SPATA20: variants seen among roughly 807,000 people sequenced by gnomAD.
SPATA20 encodes the protein spermatogenesis-associated protein 20.
A neutral mutation model predicts 98.9 loss-of-function variants in SPATA20; 74 were observed. The observed-to-expected ratio is 0.75, with a 90% confidence interval of 0.62 to 0.91. The LOEUF (loss-of-function observed/expected upper bound fraction) is 0.91, where lower values mean the gene tolerates loss of function less well. SPATA20 is among the 40% of genes least tolerant of loss of function. The pLI, the probability that SPATA20 is intolerant of heterozygous loss-of-function variation, is 0.00. For synonymous variants in SPATA20, 430 were observed against 440.5 expected (o/e 0.98, Z 0.30); for missense variants, 1,016 against 1,069.8 (o/e 0.95, Z 0.70).
At chr17:50,552,807 G>A (rs1204974956) in intron 14 of SPATA20, among the ~76,000 whole-genome samples, 2 of 152,076 alleles carry the variant, frequency 1.3e-5, no homozygotes, top group Non-Finnish European at 2.9e-5. Context: ...GCCCACCTCG[G>A]CCTCCCAAAG....
intron 12 of SPATA20, 100 bp downstream of exon 12, chr17:50,551,290 G>A (rs1567910600): frequency 7.9e-7 from 1 of 1,259,472 alleles, no homozygotes; most frequent in Non-Finnish European, 1.1e-6. Context: ...CCCTTGATTA[G>A]CGTTATTATT....
In SPATA20 at chr17:50,554,593, A is replaced by G. The variant is rs1205390218; in HGVS notation, c.2157+143A>G. The stretch of plus-strand genomic sequence containing the variant: ...TGTGCAGGCACGTGGCCTGTCAGAC[A>G]GGGAGGCAGAAGTTAATATGAGTCC... On this transcript the variant is annotated intron_variant, in intron 15 of 16. Transcript: ENST00000006658. 9 of 787,186 alleles carry G rather than the reference A, an allele frequency of 1.1e-5. No homozygotes were observed. The East Asian group carries it at 2.1e-4, about 18-fold the overall frequency. The allele number at this position is 787,186 out of a possible 1,614,324, so 48.8% of individuals were successfully genotyped here.
At position 50,549,350 on chromosome 17, in the gene SPATA20, G is replaced by T. The variant is rs780703307; in HGVS notation, c.725G>T (p.Arg242Leu). The change falls in exon 7 of 17, where the codon CGA becomes CTA. Residue 242 changes from arginine to leucine, a missense_variant. Physicochemically the swap from Arg to Leu is moderately radical, Grantham distance 102 (BLOSUM62 -2). Transcript: ENST00000006658. The part of the protein sequence containing the change: ...SQRVTTALLA[R>L]SEISVGDRQL... ...CGTGTCACCACTGCCCTGCTGGCCC[G>T]ATCAGAGATCAGCGTGGGTGACCGC... 2 of 1,612,490 alleles carry T rather than the reference G, an allele frequency of 1.2e-6. No homozygotes were observed. The highest frequency in any genetic ancestry group is 1.7e-6 in the Non-Finnish European group (2 of 1,179,978).
chr17:50,550,694 T>A lies in SPATA20; in HGVS notation c.1174-14T>A. 6.2e-7 allele frequency: 1 copy of A among 1,613,006 alleles called. No homozygotes were observed. Among genetic ancestry groups the A allele is most frequent in the Non-Finnish European group, 8.5e-7 (1 of 1,179,584 alleles). On this transcript the variant is annotated splice_polypyrimidine_tract_variant and intron_variant, in intron 10 of 16. Coordinates refer to ENST00000006658, the MANE Select transcript of SPATA20 (RefSeq NM_022827.4). ...CCTGTGGGCCGGGGCCAGCCAACTC[T>A]CCCCTCCCCACAGTCCGGAGGCTTC...
Position 50,548,371 on chromosome 17 carries a change from T to A in SPATA20, c.214T>A (p.Ser72Thr). 1 of 1,613,994 alleles carries A rather than the reference T, an allele frequency of 6.2e-7. No individual in the cohort carries two copies. The highest frequency in any genetic ancestry group is 8.5e-7 in the Non-Finnish European group (1 of 1,179,970). ...TGGAGGGAAAGGAAGCCATCCTTCA[T>A]CTACACCCCAGAGGGTCCCCAACCG... ...PAGGKGSHPS[S>T]TPQRVPNRLI... is the part of the protein sequence containing the mutation. Residue 72 changes from serine to threonine, a missense_variant, in exon 3 of 17, where the codon TCT (serine) becomes ACT (threonine). Transcript: ENST00000006658.
rs2035064139 is a variant in SPATA20 at position 50,554,448 on chromosome 17, C to A, written c.2155C>A (p.Gln719Lys). The stretch of plus-strand genomic sequence containing the variant: ...CTCAGCCCAGCAGCAGACCCTCAAG[C>A]AGGTGGGGGGTGAGGGCATCTGGGC... ...ALSAQQQTLK[Q>K]IVICGDRQAK... Residue 719 changes from glutamine (Q) to lysine (K), a missense_variant and splice_region_variant, in exon 15 of 17, where the codon CAG (glutamine) becomes AAG (lysine). Coordinates refer to ENST00000006658, the MANE Select transcript of SPATA20 (RefSeq NM_022827.4). The A allele has an allele frequency of 6.2e-7, 1 of 1,610,318 alleles. No individual in the cohort carries two copies. Among genetic ancestry groups the A allele is most frequent in the Non-Finnish European group, 8.5e-7 (1 of 1,180,000 alleles).
At position 50,553,337 on chromosome 17, in the gene SPATA20, G is replaced by C. The variant is rs186303460; in HGVS notation, c.1958-914G>C. On this transcript the variant is annotated intron_variant, in intron 14 of 16. Transcript: ENST00000006658. The stretch of plus-strand genomic sequence containing the variant: ...CACAGAGGAGGACCAACTCAGCCTA[G>C]GGAGAGATTAGAGGACACCTGTGAC... Among the ~76,000 whole-genome samples the C allele has an allele frequency of 4.8e-4, 73 of 152,328 alleles. 3 individuals carry two copies. The East Asian group carries it at 8.3e-3, about 17-fold the overall frequency.
In SPATA20 at chr17:50,548,392, A is replaced by G. The variant is rs1213219923; in HGVS notation, c.235A>G (p.Asn79Asp). Residue 79 changes from asparagine to aspartate, a missense_variant, in exon 3 of 17, where the codon AAC (asparagine) becomes GAC (aspartate). Physicochemically the swap from Asn to Asp is conservative, Grantham distance 23. Transcript: ENST00000006658. ...HPSSTPQRVP[N>D]RLIHEKSPYL... ...TTCATCTACACCCCAGAGGGTCCCC[A>G]ACCGCCTGATCCACGAGAAGTCACC... The G allele has an allele frequency of 6.2e-7, 1 of 1,614,008 alleles. No individual in the cohort carries two copies. The highest frequency in any genetic ancestry group is 2.2e-5 in the East Asian group (1 of 44,870).
chr17:50,547,488 T>C, intron 1 of SPATA20: 1 of 636,466 alleles, frequency 1.6e-6, no homozygotes, highest in African/African-American at 1.8e-5. Flanking sequence ...CCTCATCCCT[T>C]CCCTCCTCTC....
chr17:50,553,474 C>T (rs1292548504), intron 14 of SPATA20, among the ~76,000 whole-genome samples: 1 of 152,032 alleles, frequency 6.6e-6, no homozygotes, highest in Non-Finnish European at 1.5e-5. Context: ...GTGCAGGCAG[C>T]CTGTATCCTG....
In SPATA20 at chr17:50,549,505, G is replaced by A. The variant is rs766969961; in HGVS notation, c.862+18G>A. 1.4e-5 allele frequency: 23 copies of A among 1,604,672 alleles called. No individual in the cohort carries two copies. Among genetic ancestry groups the A allele is most frequent in the Middle Eastern group, 3.3e-4 (2 of 6,062 alleles). ...CACGCCGGGTCAGTGCCCCACGCCCGCCTTAGCCCAGGCTTTGGCCTTCTG... is the reference window on the plus strand; with the variant it reads ...CACGCCGGGTCAGTGCCCCACGCCCACCTTAGCCCAGGCTTTGGCCTTCTG... On this transcript the variant is annotated intron_variant, in intron 7 of 16. Coordinates refer to ENST00000006658, the MANE Select transcript of SPATA20 (RefSeq NM_022827.4).
chr17:50,549,583 T>G, intron 7 of SPATA20, 96 bp downstream of exon 7: 1 of 1,284,264 alleles, frequency 7.8e-7, no homozygotes, highest in Non-Finnish European at 1.1e-6. Flanking sequence ...CATAGCTTCC[T>G]GTCCTCCTGA....
At chr17:50,549,615 CT>C in intron 7 of SPATA20, 128 bp downstream of exon 7, 2 of 966,276 alleles carry the variant, frequency 2.1e-6, no homozygotes, top group Non-Finnish European at 3.0e-6. Flanking sequence ...CTCCTTGCCC[CT>C]AGCCTGTCGG....
intron 15 of SPATA20, 49 bp from the exon 16 acceptor site, chr17:50,555,183 C>T (rs1567912636): frequency 1.3e-6 from 2 of 1,519,116 alleles, no homozygotes; most frequent in Non-Finnish European, 9.1e-7. Flanking sequence ...GTCTAGGGCT[C>T]AGCCCTCCCT....
Position 50,550,088 on chromosome 17 carries a change from CGGG to C in SPATA20, c.969_971del (p.Gly324del), listed in dbSNP as rs1295555757. 12 of 1,612,080 alleles carry C rather than the reference CGGG, an allele frequency of 7.4e-6. No homozygotes were observed. The highest frequency in any genetic ancestry group is 8.5e-6 in the Non-Finnish European group (10 of 1,179,110). ...TGCATACCCTGAAAATGATGGCTAA[CGGG>C]GGCATCCGGGACCATGTGGGGCAGG... On this transcript the variant is annotated inframe_deletion, in exon 8 of 17. Transcript: ENST00000006658.
chr17:50,548,691 C>T, intron 4 of SPATA20, 73 bp downstream of exon 4: 3 of 1,588,308 alleles, frequency 1.9e-6, no homozygotes, highest in Non-Finnish European at 2.6e-6. Context: ...GTCCTCTCGG[C>T]CTGGCGGGTC....
chr17:50,554,270 C>T lies in SPATA20; in HGVS notation c.1977C>T (p.Pro659=). 1 of 1,614,174 alleles carries T rather than the reference C, an allele frequency of 6.2e-7. No homozygotes were observed. Among genetic ancestry groups the T allele is most frequent in the East Asian group, 2.2e-5 (1 of 44,878 alleles). The change falls in exon 15 of 17, where the codon CCC becomes CCT. Residue 659 remains proline, a synonymous_variant. Transcript: ENST00000006658. ...CTGTAGACCAGGATGGAGCAGAGCC[C>T]AGCGCCAATTCCGTGTCAGCCCACA... ...RLKDDQDGAE[P]SANSVSAHNL... is the part of the protein sequence containing the mutation.
In SPATA20 at chr17:50,547,265, A is replaced by C; in HGVS notation, c.57A>C (p.Ala19=). Residue 19 remains alanine, a synonymous_variant, in exon 1 of 17, where the codon GCA becomes GCC. Transcript: ENST00000006658. The stretch of plus-strand genomic sequence containing the variant: ...TCCTTCTGCTGCCCCGCGCCGGTGC[A>C]GGCCTCGCCGCGAGCCGCAGGTACG... ...GRVLLLPRAG[A]GLAASRRCPG... 4 of 1,387,812 alleles carry C rather than the reference A, an allele frequency of 2.9e-6. No homozygotes were observed. Among genetic ancestry groups the C allele is most frequent in the Non-Finnish European group, 3.7e-6 (4 of 1,079,862 alleles). 86.0% of individuals were successfully genotyped at this position (1,387,812 alleles called of 1,614,324 possible). A position where few individuals can be genotyped will look rare whatever the true frequency, so the allele number is the denominator to read the frequency against.
At position 50,550,096 on chromosome 17, in the gene SPATA20, T is replaced by A. The variant is rs1166191497; in HGVS notation, c.974T>A (p.Ile325Asn). ...HTLKMMANGGIRDHVGQGFHR... is the reference protein window; with the variant it reads ...HTLKMMANGGNRDHVGQGFHR... The stretch of plus-strand genomic sequence containing the variant: ...CTGAAAATGATGGCTAACGGGGGCA[T>A]CCGGGACCATGTGGGGCAGGTGACG... The change falls in exon 8 of 17, where the codon ATC (isoleucine) becomes AAC (asparagine). Residue 325 changes from isoleucine to asparagine, a missense_variant. By Grantham distance (149) the Ile-to-Asn change is moderately radical (BLOSUM62 -3). Coordinates refer to ENST00000006658, the MANE Select transcript of SPATA20 (RefSeq NM_022827.4). The A allele has an allele frequency of 6.2e-6, 10 of 1,612,788 alleles. No individual in the cohort carries two copies. Among genetic ancestry groups the A allele is most frequent in the Non-Finnish European group, 8.5e-6 (10 of 1,179,536 alleles).
Sources: allele counts gnomAD v4.1 joint callset (sites outside exome capture counted in the v4.1 genomes callset), GRCh38; gene constraint gnomAD v4.1.1; transcripts MANE v1.5; gene names NCBI Gene and HGNC (gene_info 2026-07-23, HGNC 2026-07-21).